The following ZFTRAF1 variants were observed in gnomAD, a reference collection of about 807,000 sequenced individuals.
ZFTRAF1 encodes zinc finger TRAF-type-containing protein 1.
At chr8:144,453,801 C>T in the ZFTRAF1 span, 4 of 260,034 alleles carry the variant, frequency 1.5e-5, no homozygotes, top group African/African-American at 4.3e-5. Context: ...CCCTGACCCC[C>T]CTACAGGTCC....
the ZFTRAF1 span, among the ~76,000 whole-genome samples, chr8:144,458,398 C>T: frequency 0.032 from 4,879 of 152,288 alleles, 257 homozygotes; most frequent in African/African-American, 0.11. Flanking sequence ...CCTAAGCAGA[C>T]GTATTTACAA....
the ZFTRAF1 span, among the ~76,000 whole-genome samples, chr8:144,460,539 C>T: frequency 6.6e-6 from 1 of 152,220 alleles, no homozygotes; most frequent in East Asian, 1.9e-4. Context: ...CCTGTTCCCC[C>T]GTGGCCTCAC....
At chr8:144,455,332 T>A in the ZFTRAF1 span, 1 of 151,992 alleles carries the variant, frequency 6.6e-6, no homozygotes, top group Admixed American at 6.6e-5. Flanking sequence ...CATAAATAAA[T>A]AAAAATTAAA....
chr8:144,458,604 G>A, the ZFTRAF1 span, among the ~76,000 whole-genome samples: 1 of 152,132 alleles, frequency 6.6e-6, no homozygotes, highest in Non-Finnish European at 1.5e-5. Flanking sequence ...CTGCTTCCTG[G>A]GCTGTTATCA....
chr8:144,462,433 G>A, the ZFTRAF1 span: 610 of 295,390 alleles, frequency 2.1e-3, 3 homozygotes, highest in Middle Eastern at 5.1e-3. Context: ...TGGGCGGCGC[G>A]TCGGGGTCGC....
chr8:144,453,403 G>A, the ZFTRAF1 span: 2 of 1,551,172 alleles, frequency 1.3e-6, no homozygotes, highest in Non-Finnish European at 1.7e-6. Flanking sequence ...TCCTTCAGCC[G>A]GGCATCTGCT....
chr8:144,461,175 C>A, the ZFTRAF1 span, among the ~76,000 whole-genome samples: 1 of 152,212 alleles, frequency 6.6e-6, no homozygotes, highest in African/African-American at 2.4e-5. Context: ...GGAGAAATGG[C>A]AACCTAGACT....
At chr8:144,460,295 T>C in the ZFTRAF1 span, among the ~76,000 whole-genome samples, 1 of 152,258 alleles carries the variant, frequency 6.6e-6, no homozygotes, top group Non-Finnish European at 1.5e-5. Context: ...TTCAGCTCCC[T>C]GCCTCTGGCC....
chr8:144,451,066 C>T, the ZFTRAF1 span: 38 of 358,518 alleles, frequency 1.1e-4, no homozygotes, highest in East Asian at 3.1e-4. Context: ...CCTCCCTCAC[C>T]GCCCCGAGCC....
the ZFTRAF1 span, among the ~76,000 whole-genome samples, chr8:144,458,629 T>C: frequency 0.05 from 7,631 of 152,192 alleles, 637 homozygotes; most frequent in African/African-American, 0.17. Context: ...ACTGTCAACA[T>C]GTGGCATAGA....
At chr8:144,461,370 G>A in the ZFTRAF1 span, among the ~76,000 whole-genome samples, 2 of 152,346 alleles carry the variant, frequency 1.3e-5, no homozygotes, top group East Asian at 1.9e-4. Flanking sequence ...CAGGGAAGGT[G>A]GGGACACTGT....
At chr8:144,449,631 AAG>A in the ZFTRAF1 span, 1 of 152,294 alleles carries the variant, frequency 6.6e-6, no homozygotes, top group East Asian at 1.9e-4. Flanking sequence ...TTTTCCTGGG[AAG>A]AGACAATTTC....
chr8:144,454,731 C>T, the ZFTRAF1 span: 1 of 152,172 alleles, frequency 6.6e-6, no homozygotes, highest in South Asian at 2.1e-4. Flanking sequence ...CCTGGTGGCG[C>T]TGGGAGGCCG....
chr8:144,452,289 C>T, the ZFTRAF1 span: 38 of 1,504,142 alleles, frequency 2.5e-5, no homozygotes, highest in African/African-American at 4.7e-4. Flanking sequence ...GCCTGCTGCC[C>T]CCAGACTCCT....
At chr8:144,453,786 G>A in the ZFTRAF1 span, 37 of 289,806 alleles carry the variant, frequency 1.3e-4, no homozygotes, top group Non-Finnish European at 2.3e-4. Flanking sequence ...AGGGACCAGC[G>A]ACTGCCCTGA....
At chr8:144,462,712 G>A in the ZFTRAF1 span, 23 of 143,310 alleles carry the variant, frequency 1.6e-4, no homozygotes, top group African/African-American at 4.6e-4. Flanking sequence ...AGAAGTTAGG[G>A]GCGCCGCGCG....
the ZFTRAF1 span, among the ~76,000 whole-genome samples, chr8:144,460,979 G>C: frequency 8.6e-3 from 1,307 of 152,310 alleles, 16 homozygotes; most frequent in African/African-American, 0.03. Context: ...CTGAGGCACT[G>C]CCAAAGCCAA....
At chr8:144,452,708 T>A in the ZFTRAF1 span, 1 of 782,208 alleles carries the variant, frequency 1.3e-6, no homozygotes, top group Non-Finnish European at 2.0e-6. Flanking sequence ...CCCCCCAGGA[T>A]GAGGTCAGAG....
chr8:144,453,144 A>G, the ZFTRAF1 span: 1 of 1,305,960 alleles, frequency 7.7e-7, no homozygotes, highest in South Asian at 1.3e-5. Context: ...CACCCTGCAC[A>G]GGGCCCTGCT....
Sources: gnomAD v4.1 joint callset for allele counts (sites outside exome capture counted in the v4.1 genomes callset) on GRCh38, gnomAD v4.1.1 for gene constraint, MANE v1.5 for transcripts, NCBI Gene and HGNC (gene_info 2026-07-23, HGNC 2026-07-21) for gene names.